PRELID2: variants seen among roughly 807,000 people sequenced by gnomAD.
PRELID2 encodes the protein PRELI domain containing 2.
PRELID2 carries 25 observed loss-of-function variants against 28.4 expected under a neutral mutation model. The ratio of observed to expected loss-of-function variants is 0.88; its 90% confidence interval spans 0.64 to 1.23. PRELID2 has a LOEUF of 1.23. PRELID2 is among the 50% of genes most tolerant of loss of function. PRELID2 has a pLI of 0.00. For synonymous variants in PRELID2, 76 were observed against 71.6 expected (o/e 1.06, Z -0.31); for missense variants, 201 against 214.4 (o/e 0.94, Z 0.39).
intron 1 of PRELID2, among the ~76,000 whole-genome samples, chr5:145,701,964 A>T (rs1236261593): frequency 2.6e-5 from 4 of 151,992 alleles, no homozygotes; most frequent in Non-Finnish European, 5.9e-5. Flanking sequence ...GACAGGAGAA[A>T]TGCTTAAACC....
chr5:145,561,651 G>A (rs988077980), intron 1 of PRELID2, among the ~76,000 whole-genome samples: 1 of 152,200 alleles, frequency 6.6e-6, no homozygotes, highest in Admixed American at 6.5e-5. Context: ...ATTACCTAAA[G>A]TCTCAGCTGG....
At chr5:145,807,844 G>T (rs1753620376) in intron 4 of PRELID2, among the ~76,000 whole-genome samples, 2 of 152,024 alleles carry the variant, frequency 1.3e-5, no homozygotes, top group South Asian at 4.2e-4. Context: ...TACATACAGG[G>T]GATACAGTGG....
rs146907435 is a variant in PRELID2 at position 145,658,628 on chromosome 5, C to T, written n.70+106303G>A. ...CTCTCTCTAGCTCCCTCTCTCGCCA[C>T]GGGATATGTCAGCTCCTCCTTTGCC... is the stretch of plus-strand genomic sequence containing the variant. On this transcript the variant is annotated intron_variant and non_coding_transcript_variant, in intron 1 of 2. Transcript: ENST00000510259. Among the ~76,000 whole-genome samples, 198 of 152,274 alleles carry T rather than the reference C, an allele frequency of 1.3e-3. 2 individuals carry two copies. Among genetic ancestry groups the T allele is most frequent in the African/African-American group, 4.6e-3 (191 of 41,564 alleles).
chr5:145,231,233 G>T, the PRELID2 span, among the ~76,000 whole-genome samples: 64 of 148,872 alleles, frequency 4.3e-4, no homozygotes, highest in African/African-American at 1.3e-3. Flanking sequence ...TTTATTTTTT[G>T]TCATGACTTT....
chr5:145,309,193 T>C, the PRELID2 span, among the ~76,000 whole-genome samples: 1 of 152,280 alleles, frequency 6.6e-6, no homozygotes. Flanking sequence ...ATTGAGAAAA[T>C]ACTACAGGAA....
At chr5:145,609,085 T>G (rs1753569872) in intron 1 of PRELID2, among the ~76,000 whole-genome samples, 1 of 152,238 alleles carries the variant, frequency 6.6e-6, no homozygotes, top group Non-Finnish European at 1.5e-5. Flanking sequence ...ATGAAATTCT[T>G]GAAATGAGTT....
At chr5:145,573,752 A>T (rs1057507717) in intron 1 of PRELID2, among the ~76,000 whole-genome samples, 11 of 152,262 alleles carry the variant, frequency 7.2e-5, no homozygotes, top group African/African-American at 2.6e-4. Flanking sequence ...TCTATCACTG[A>T]TGGGCATTTT....
intron 1 of PRELID2, among the ~76,000 whole-genome samples, chr5:145,652,545 T>A (rs1164777350): frequency 2.0e-5 from 3 of 152,180 alleles, no homozygotes; most frequent in African/African-American, 7.2e-5. Context: ...GACTAACAGC[T>A]GATCTCTCGG....
chr5:145,798,135 C>T lies in PRELID2; in HGVS notation c.369-1588G>A, dbSNP rs187126958. On this transcript the variant is annotated intron_variant, in intron 4 of 6. Transcript: ENST00000683046. ...AGCAAACTTGATCAAGCAGAAGAAT[C>T]AGCAAACTTAAAGATAGGTTATTTG... 2.0e-5 allele frequency among the ~76,000 whole-genome samples: 3 copies of T among 151,748 alleles called. No individual in the cohort carries two copies. In the East Asian group the frequency reaches 5.8e-4, roughly 30 times the overall value.
chr5:145,516,844 C>T (rs1032266658), intron 1 of PRELID2, among the ~76,000 whole-genome samples: 4 of 152,176 alleles, frequency 2.6e-5, no homozygotes, highest in East Asian at 1.9e-4. Flanking sequence ...CACATCTACA[C>T]CCATCTGATC....
At chr5:145,719,864 A>G (rs1240082762) in intron 1 of PRELID2, among the ~76,000 whole-genome samples, 1 of 152,022 alleles carries the variant, frequency 6.6e-6, no homozygotes, top group Non-Finnish European at 1.5e-5. Flanking sequence ...GGAATATGAA[A>G]AACACCTTAA....
At chr5:145,243,031 T>A in the PRELID2 span, among the ~76,000 whole-genome samples, 1 of 152,098 alleles carries the variant, frequency 6.6e-6, no homozygotes, top group Non-Finnish European at 1.5e-5. Context: ...TTTTATAAAA[T>A]CACACAAATA....
intron 1 of PRELID2, among the ~76,000 whole-genome samples, chr5:145,732,698 A>G (rs567313064): frequency 5.8e-4 from 88 of 152,290 alleles, no homozygotes; most frequent in Admixed American, 2.0e-3. Flanking sequence ...AGATGCATAA[A>G]ATTACCAAAA....
At chr5:145,514,318 C>CAAAAAAAAAA (rs55760860) in intron 1 of PRELID2, among the ~76,000 whole-genome samples, 12 of 67,486 alleles carry the variant, frequency 1.8e-4, no homozygotes, top group Non-Finnish European at 2.4e-4. Flanking sequence ...AAATGGAAAG[C>CAAAAAAAAAA]AAAAAAAAAA....
chr5:145,409,601 A>G, the PRELID2 span, among the ~76,000 whole-genome samples: 2 of 152,118 alleles, frequency 1.3e-5, no homozygotes, highest in Admixed American at 6.6e-5. Context: ...GAGACTGTAA[A>G]GCAATAACAG....
chr5:145,555,907 G>A (rs891836787), intron 1 of PRELID2, among the ~76,000 whole-genome samples: 1 of 152,002 alleles, frequency 6.6e-6, no homozygotes, highest in African/African-American at 2.4e-5. Flanking sequence ...TTGTGCTCAG[G>A]CCAGACATGG....
chr5:145,358,480 T>C, the PRELID2 span, among the ~76,000 whole-genome samples: 1 of 151,668 alleles, frequency 6.6e-6, no homozygotes, highest in Non-Finnish European at 1.5e-5. Flanking sequence ...CTCCAATGAG[T>C]TCACACAGAA....
At chr5:145,314,564 T>C in the PRELID2 span, among the ~76,000 whole-genome samples, 1 of 152,034 alleles carries the variant, frequency 6.6e-6, no homozygotes, top group African/African-American at 2.4e-5. Context: ...TTTTATTTTT[T>C]TTTCCAAATT....
the PRELID2 span, among the ~76,000 whole-genome samples, chr5:145,423,379 G>T: frequency 1.3e-5 from 2 of 152,010 alleles, no homozygotes; most frequent in Non-Finnish European, 2.9e-5. Context: ...ACACCAATCA[G>T]GCATAGATTT....
Sources: allele counts gnomAD v4.1 joint callset (sites outside exome capture counted in the v4.1 genomes callset), GRCh38; gene constraint gnomAD v4.1.1; transcripts MANE v1.5; gene names NCBI Gene and HGNC (gene_info 2026-07-23, HGNC 2026-07-21).